SAE1: variants seen among roughly 807,000 people sequenced by gnomAD.
SAE1 encodes SUMO1 activating enzyme subunit 1, also known as SUMO-activating enzyme subunit 1.
In SAE1, 11 loss-of-function variants were observed where a neutral mutation model predicts 40.6. That is an observed-to-expected ratio of 0.27 (90% CI 0.17 to 0.45). The LOEUF (loss-of-function observed/expected upper bound fraction) is 0.45, where lower values mean the gene tolerates loss of function less well. Among genes scored for constraint, SAE1 ranks in the 20% least tolerant of loss-of-function variants. The pLI, the probability that SAE1 is intolerant of heterozygous loss-of-function variation, is 1.00. For synonymous variants in SAE1, 155 were observed against 154.3 expected (o/e 1.00, Z -0.03); for missense variants, 373 against 427.3 (o/e 0.87, Z 1.12).
At chr19:47,139,638 G>T (rs1198313843) in intron 1 of SAE1, among the ~76,000 whole-genome samples, 5 of 148,118 alleles carry the variant, frequency 3.4e-5, no homozygotes, top group South Asian at 2.1e-4. Flanking sequence ...ACCCAGGCTG[G>T]AGTGCAGTGG....
At chr19:47,190,352 C>T (rs1013800079) in intron 6 of SAE1, among the ~76,000 whole-genome samples, 1 of 151,242 alleles carries the variant, frequency 6.6e-6, no homozygotes, top group East Asian at 1.9e-4. Context: ...GGTATGTGTG[C>T]GTGTTTGGCT....
At chr19:47,141,793 A>G (rs559579273) in intron 1 of SAE1, among the ~76,000 whole-genome samples, 78 of 152,308 alleles carry the variant, frequency 5.1e-4, no homozygotes, top group Non-Finnish European at 8.5e-4. Context: ...ATTCTTAGTT[A>G]TTACTAAATC....
chr19:47,201,095 G>T (rs533324199), intron 7 of SAE1, among the ~76,000 whole-genome samples: 11 of 151,254 alleles, frequency 7.3e-5, no homozygotes, highest in African/African-American at 2.4e-4. Flanking sequence ...AAGCTAGAGT[G>T]CAATGGCCCG....
intron 6 of SAE1, among the ~76,000 whole-genome samples, chr19:47,191,879 C>T (rs2058580283): frequency 6.6e-6 from 1 of 151,926 alleles, no homozygotes; most frequent in Non-Finnish European, 1.5e-5. Flanking sequence ...CACGGTGAAA[C>T]CCCGTCTATA....
At chr19:47,195,941 C>A (rs2058611498) in intron 6 of SAE1, among the ~76,000 whole-genome samples, 1 of 150,910 alleles carries the variant, frequency 6.6e-6, no homozygotes. Context: ...ACTATGTTGC[C>A]CAGGATTATC....
intron 6 of SAE1, among the ~76,000 whole-genome samples, chr19:47,188,658 T>A (rs1232116494): frequency 6.6e-6 from 1 of 152,194 alleles, no homozygotes. Context: ...ATTTAATCTT[T>A]AAACCCCACA....
chr19:47,182,496 T>TGCGTGCGCGCGC (rs1555794400), intron 6 of SAE1, among the ~76,000 whole-genome samples: 2 of 145,938 alleles, frequency 1.4e-5, no homozygotes, highest in South Asian at 4.4e-4. Flanking sequence ...TGTGTGTGTG[T>TGCGTGCGCGCGC]GCGCGCACGC....
chr19:47,131,075 C>T (rs2058138958), intron 1 of SAE1, 47 bp downstream of exon 1: 1 of 1,483,336 alleles, frequency 6.7e-7, no homozygotes, highest in South Asian at 1.3e-5. Context: ...GAGGGGGCGT[C>T]TATTCTGAGG....
intron 6 of SAE1, among the ~76,000 whole-genome samples, chr19:47,189,496 G>C (rs2058565960): frequency 6.6e-6 from 1 of 152,144 alleles, no homozygotes; most frequent in South Asian, 2.1e-4. Flanking sequence ...GGGAGGCGGA[G>C]GTTGCAGTGA....
chr19:47,182,496 T>TGTGTGTGTGTGTGTGTGTGCGCGC (rs143321323), intron 6 of SAE1, among the ~76,000 whole-genome samples: 1 of 145,938 alleles, frequency 6.9e-6, no homozygotes, highest in Admixed American at 6.9e-5. Context: ...TGTGTGTGTG[T>TGTGTGTGTGTGTGTGTGTGCGCGC]GCGCGCACGC....
rs1405333627 is a variant in SAE1 at position 47,194,431 on chromosome 19, C to T, written c.734-2802C>T. 2.0e-5 allele frequency among the ~76,000 whole-genome samples: 3 copies of T among 152,266 alleles called. No individual in the cohort carries two copies. The East Asian group carries it at 5.8e-4, about 29-fold the overall frequency. The stretch of plus-strand genomic sequence containing the variant: ...TTGTCCTGGTAGAGAGTATAATTTG[C>T]TGAATAAGTCTACTTTTTCAATCAA... On this transcript the variant is annotated intron_variant, in intron 6 of 8. Coordinates refer to ENST00000270225, the MANE Select transcript of SAE1 (RefSeq NM_005500.3).
intron 1 of SAE1, among the ~76,000 whole-genome samples, chr19:47,139,613 A>T (rs1186677142): frequency 1.4e-5 from 2 of 138,988 alleles, no homozygotes; most frequent in African/African-American, 2.8e-5. Flanking sequence ...TTTGAGACAG[A>T]GTCTCACTCT....
At chr19:47,188,808 G>A (rs2058560578) in intron 6 of SAE1, among the ~76,000 whole-genome samples, 1 of 152,134 alleles carries the variant, frequency 6.6e-6, no homozygotes. Context: ...TCCAGGCCAG[G>A]GACAGGCTTT....
At chr19:47,184,018 GA>G (rs1243016130) in intron 6 of SAE1, among the ~76,000 whole-genome samples, 2 of 152,126 alleles carry the variant, frequency 1.3e-5, no homozygotes, top group Non-Finnish European at 2.9e-5. Context: ...GTGACTTTTA[GA>G]TTTTTTTTTC....
chr19:47,179,272 G>A (rs1161930220), intron 6 of SAE1, among the ~76,000 whole-genome samples: 1 of 151,868 alleles, frequency 6.6e-6, no homozygotes, highest in Non-Finnish European at 1.5e-5. Flanking sequence ...TTGGGAGGCT[G>A]AAGCAGGTGG....
At chr19:47,148,424 G>C (rs1054129526) in intron 2 of SAE1, among the ~76,000 whole-genome samples, 1 of 151,978 alleles carries the variant, frequency 6.6e-6, no homozygotes, top group South Asian at 2.1e-4. Context: ...TATTTGCAGA[G>C]ATTAATGGTT....
intron 1 of SAE1, among the ~76,000 whole-genome samples, chr19:47,137,421 G>A (rs1294464202): frequency 1.3e-5 from 2 of 152,024 alleles, no homozygotes; most frequent in South Asian, 4.1e-4. Flanking sequence ...ATAAAGTAAA[G>A]AAGCAGCTTC....
intron 1 of SAE1, among the ~76,000 whole-genome samples, chr19:47,137,728 T>TG (rs1268815000): frequency 5.9e-4 from 57 of 96,564 alleles, no homozygotes; most frequent in South Asian, 1.7e-3. Context: ...TGTGTGTGTG[T>TG]TGTTTTTTTT....
chr19:47,151,351 A>G (rs760585904), intron 3 of SAE1, among the ~76,000 whole-genome samples: 5 of 152,018 alleles, frequency 3.3e-5, no homozygotes, highest in Non-Finnish European at 7.4e-5. Flanking sequence ...GGGTTTCACC[A>G]TGTTGGTCAG....
Sources: gnomAD v4.1 joint callset for allele counts (sites outside exome capture counted in the v4.1 genomes callset) on GRCh38, gnomAD v4.1.1 for gene constraint, MANE v1.5 for transcripts, NCBI Gene and HGNC (gene_info 2026-07-23, HGNC 2026-07-21) for gene names.